ZNRF3: variants seen among roughly 807,000 people sequenced by gnomAD.
The protein encoded by ZNRF3 is zinc and ring finger 3, also known as E3 ubiquitin-protein ligase ZNRF3.
A neutral mutation model predicts 72.5 loss-of-function variants in ZNRF3; 23 were observed. The observed-to-expected ratio is 0.32, with a 90% CI of 0.23 to 0.45. The LOEUF (loss-of-function observed/expected upper bound fraction) is 0.45. Among genes scored for constraint, ZNRF3 ranks in the 20% least tolerant of loss-of-function variants. The pLI, the probability that ZNRF3 is intolerant of heterozygous loss-of-function variation, is 1.00. For synonymous variants in ZNRF3, 610 were observed against 545.3 expected (o/e 1.12, Z -1.65); for missense variants, 1,169 against 1,272.1 (o/e 0.92, Z 1.23).
chr22:28,901,381 C>G (rs965189528), intron 1 of ZNRF3, among the ~76,000 whole-genome samples: 57 of 152,168 alleles, frequency 3.7e-4, no homozygotes, highest in African/African-American at 1.3e-3. Context: ...GTTGTTCCCC[C>G]TTCTCTAATG....
At chr22:28,913,105 C>T (rs1319554399) in intron 1 of ZNRF3, among the ~76,000 whole-genome samples, 16 of 152,232 alleles carry the variant, frequency 1.1e-4, no homozygotes, top group Admixed American at 1.0e-3. Context: ...GCCAATTGCA[C>T]ATTTTTCTGG....
intron 1 of ZNRF3, among the ~76,000 whole-genome samples, chr22:28,928,848 C>A (rs988517537): frequency 1.3e-5 from 2 of 152,098 alleles, no homozygotes; most frequent in Admixed American, 1.3e-4. Flanking sequence ...ATGCAAGGTT[C>A]CCATAAGGTA....
rs138892527 is a variant in ZNRF3 at position 29,035,990 on chromosome 22, A to G, written c.427-6505A>G. On this transcript the variant is annotated intron_variant, in intron 2 of 8. Transcript: ENST00000544604. ...CCAAGTAGCTGGGATTATAGGTACT[A>G]ATCCAGCATATTTTAAACTACATTT... Among the ~76,000 whole-genome samples, 23 of 152,272 alleles carry G rather than the reference A, an allele frequency of 1.5e-4. 1 individual carries two copies. The highest frequency in any genetic ancestry group is 1.5e-3 in the Admixed American group (23 of 15,298).
intron 2 of ZNRF3, among the ~76,000 whole-genome samples, chr22:29,000,737 G>T (rs2036126927): frequency 6.6e-6 from 1 of 152,178 alleles, no homozygotes; most frequent in African/African-American, 2.4e-5. Context: ...GTTCTAGTGA[G>T]GGCCTCAGGA....
rs188000661 is a variant in ZNRF3, at chr22:29,033,466, T to C, written c.427-9029T>C. On this transcript the variant is annotated intron_variant, in intron 2 of 8. Coordinates refer to ENST00000544604, the MANE Select transcript of ZNRF3 (RefSeq NM_001206998.2). ...TCTTACCCTAAGAGCAGCACAGTCATTGGAGAAGGGTGGTGCAGGTCAGAT... is the reference window on the plus strand; with the variant it reads ...TCTTACCCTAAGAGCAGCACAGTCACTGGAGAAGGGTGGTGCAGGTCAGAT... Among the ~76,000 whole-genome samples, 268 of 151,566 alleles carry C rather than the reference T, an allele frequency of 1.8e-3. 3 individuals are homozygous for C. Among genetic ancestry groups the C allele is most frequent in the African/African-American group, 6.2e-3 (255 of 41,260 alleles).
intron 1 of ZNRF3, among the ~76,000 whole-genome samples, chr22:28,958,548 A>G (rs1246420311): frequency 6.6e-6 from 1 of 152,166 alleles, no homozygotes; most frequent in Non-Finnish European, 1.5e-5. Context: ...CCCATGGGGC[A>G]GTAATCACTC....
At chr22:28,973,089 C>T (rs1409575922) in intron 1 of ZNRF3, among the ~76,000 whole-genome samples, 1 of 152,174 alleles carries the variant, frequency 6.6e-6, no homozygotes, top group Non-Finnish European at 1.5e-5. Context: ...CTCAATCTTC[C>T]TGCCTCAGCC....
chr22:28,964,690 T>C (rs1375260467), intron 1 of ZNRF3, among the ~76,000 whole-genome samples: 2 of 152,212 alleles, frequency 1.3e-5, no homozygotes, highest in African/African-American at 4.8e-5. Context: ...AGGATGAACT[T>C]CTGTACTCCA....
chr22:28,968,485 G>A (rs1367396530), intron 1 of ZNRF3, among the ~76,000 whole-genome samples: 2 of 152,122 alleles, frequency 1.3e-5, no homozygotes, highest in Admixed American at 6.5e-5. Flanking sequence ...TGAGGCGGGT[G>A]GATCACCTGA....
At chr22:28,913,791 T>C (rs967543937) in intron 1 of ZNRF3, among the ~76,000 whole-genome samples, 2 of 152,156 alleles carry the variant, frequency 1.3e-5, no homozygotes, top group Non-Finnish European at 2.9e-5. Flanking sequence ...GTAGCCTGTC[T>C]TGTAGGCATT....
intron 2 of ZNRF3, among the ~76,000 whole-genome samples, chr22:29,034,504 A>G (rs2036827550): frequency 6.6e-6 from 1 of 152,188 alleles, no homozygotes; most frequent in Non-Finnish European, 1.5e-5. Context: ...GAGAGTGTTA[A>G]CAGGAGTTGC....
intron 1 of ZNRF3, among the ~76,000 whole-genome samples, chr22:28,972,013 T>A (rs941275254): frequency 6.6e-6 from 1 of 152,226 alleles, no homozygotes; most frequent in African/African-American, 2.4e-5. Context: ...CAGCCTGTTC[T>A]TTTCATCACA....
intron 1 of ZNRF3, among the ~76,000 whole-genome samples, chr22:28,900,343 A>G (rs1039574882): frequency 2.0e-5 from 3 of 152,250 alleles, no homozygotes; most frequent in African/African-American, 7.2e-5. Context: ...TTCGGCAGAC[A>G]GAACTGGGAT....
At chr22:28,940,425 A>C (rs1199996907) in intron 1 of ZNRF3, among the ~76,000 whole-genome samples, 1 of 151,678 alleles carries the variant, frequency 6.6e-6, no homozygotes, top group Non-Finnish European at 1.5e-5. Flanking sequence ...AGTATGTGAA[A>C]ATCTACTCTC....
chr22:28,940,788 G>T (rs73882404), intron 1 of ZNRF3, among the ~76,000 whole-genome samples: 2,530 of 152,074 alleles, frequency 0.017, 80 homozygotes, highest in African/African-American at 0.059. Context: ...GAACCAGTAG[G>T]GATTTACTCT....
At chr22:28,888,337 T>G (rs1026247532) in intron 1 of ZNRF3, among the ~76,000 whole-genome samples, 1 of 152,228 alleles carries the variant, frequency 6.6e-6, no homozygotes, top group Non-Finnish European at 1.5e-5. Context: ...CCATTTTAAG[T>G]TAACTTAACA....
chr22:28,912,917 C>T (rs765171206), intron 1 of ZNRF3, among the ~76,000 whole-genome samples: 24 of 151,456 alleles, frequency 1.6e-4, no homozygotes, highest in Non-Finnish European at 3.1e-4. Flanking sequence ...CCACCCATCT[C>T]GGCCTCCCAA....
rs2037274355 is a variant in ZNRF3 at position 29,054,945 on chromosome 22, C to T, written c.*1323C>T. ...CTGCAGATGTCTACTATCCTGTCTA[C>T]CTAATGCACTATTATGTATTGATTC... On this transcript the variant is annotated 3_prime_UTR_variant, in exon 9 of 9. Coordinates refer to ENST00000544604, the MANE Select transcript of ZNRF3 (RefSeq NM_001206998.2). 1 of 152,818 alleles carries T rather than the reference C, an allele frequency of 6.5e-6. No homozygotes were observed. The highest frequency in any genetic ancestry group is 1.5e-5 in the Non-Finnish European group (1 of 68,102). The allele number at this position is 152,818 out of a possible 1,614,324, so 9.5% of individuals were successfully genotyped here.
intron 5 of ZNRF3, among the ~76,000 whole-genome samples, chr22:29,045,527 C>A (rs565810928): frequency 6.6e-6 from 1 of 152,154 alleles, no homozygotes; most frequent in African/African-American, 2.4e-5. Flanking sequence ...CTCATTCTGT[C>A]ACCCAGGCTG....
Sources: gnomAD v4.1 joint callset for allele counts (sites outside exome capture counted in the v4.1 genomes callset) on GRCh38, gnomAD v4.1.1 for gene constraint, MANE v1.5 for transcripts, NCBI Gene and HGNC (gene_info 2026-07-23, HGNC 2026-07-21) for gene names.